The following EPHB2 variants were observed in gnomAD, a reference collection of about 807,000 sequenced individuals.
The protein encoded by EPHB2 is ephrin type-B receptor 2.
EPHB2 carries 18 observed loss-of-function variants against 96.4 expected under a neutral mutation model. The observed-to-expected ratio is 0.19, with a 90% CI of 0.13 to 0.28. EPHB2 has a LOEUF of 0.28. EPHB2 is among the 10% of genes least tolerant of loss of function. EPHB2 has a pLI of 1.00. For synonymous variants in EPHB2, 506 were observed against 534.1 expected (o/e 0.95, Z 0.72); for missense variants, 989 against 1,355.4 (o/e 0.73, Z 4.25).
intron 3 of EPHB2, among the ~76,000 whole-genome samples, chr1:22,812,540 G>C (rs1451918530): frequency 1.3e-5 from 2 of 152,216 alleles, no homozygotes; most frequent in Non-Finnish European, 2.9e-5. Context: ...GGCGGGGGCT[G>C]TGGAGAGCGA....
chr1:22,735,069 A>G (rs1643797039), intron 1 of EPHB2, among the ~76,000 whole-genome samples: 1 of 152,114 alleles, frequency 6.6e-6, no homozygotes. Context: ...AACCTGCTCT[A>G]CCGACTCCTG....
chr1:22,849,561 C>T (rs1173269196), intron 3 of EPHB2, among the ~76,000 whole-genome samples: 2 of 152,190 alleles, frequency 1.3e-5, no homozygotes, highest in South Asian at 2.1e-4. Flanking sequence ...TGGGATCCAG[C>T]GGACCAGGGG....
chr1:22,890,199 G>A (rs1391985953), intron 6 of EPHB2, among the ~76,000 whole-genome samples: 2 of 152,170 alleles, frequency 1.3e-5, no homozygotes, highest in Non-Finnish European at 2.9e-5. Flanking sequence ...TAGAGTTAAG[G>A]GGGCGAGAGG....
intron 5 of EPHB2, among the ~76,000 whole-genome samples, chr1:22,869,680 C>T (rs1026796835): frequency 7.9e-5 from 12 of 152,134 alleles, no homozygotes; most frequent in Non-Finnish European, 1.8e-4. Flanking sequence ...GTTCCCCTGA[C>T]GCAGAGTCTT....
chr1:22,782,188 G>A (rs1028750838), intron 2 of EPHB2, among the ~76,000 whole-genome samples: 5 of 152,248 alleles, frequency 3.3e-5, no homozygotes, highest in Middle Eastern at 3.4e-3. Flanking sequence ...ATCTCTCTGA[G>A]CTTCAGTTTC....
chr1:22,832,405 G>T (rs1645320257), intron 3 of EPHB2, among the ~76,000 whole-genome samples: 1 of 152,180 alleles, frequency 6.6e-6, no homozygotes, highest in African/African-American at 2.4e-5. Context: ...TCCCTTCTCA[G>T]CTTGCAAGCC....
chr1:22,788,991 G>A lies in EPHB2; in HGVS notation c.811+3915G>A, dbSNP rs111267748. On this transcript the variant is annotated intron_variant, in intron 3 of 15. Coordinates refer to ENST00000374630, the MANE Select transcript of EPHB2 (RefSeq NM_017449.5). ...GCTGGTCTCGAACTCCTGGACTCAAGTGATCCACCTGCCTTAGCCTCCCTA... is the reference window on the plus strand; with the variant it reads ...GCTGGTCTCGAACTCCTGGACTCAAATGATCCACCTGCCTTAGCCTCCCTA... Among the ~76,000 whole-genome samples, 42 of 152,238 alleles carry A rather than the reference G, an allele frequency of 2.8e-4. 1 individual carries two copies. Among genetic ancestry groups the A allele is most frequent in the African/African-American group, 9.6e-4 (40 of 41,546 alleles).
intron 3 of EPHB2, 59 bp from the exon 4 acceptor site, chr1:22,862,978 C>G (rs990305495): frequency 5.0e-6 from 8 of 1,611,538 alleles, no homozygotes; most frequent in Non-Finnish European, 5.1e-6. Context: ...CTGCGTGGCT[C>G]GTGACCTCTC....
intron 3 of EPHB2, among the ~76,000 whole-genome samples, chr1:22,859,300 G>A (rs573199349): frequency 3.3e-5 from 5 of 150,770 alleles, no homozygotes; most frequent in Non-Finnish European, 7.4e-5. Flanking sequence ...GGCCTGGTGG[G>A]GGGGGGGGTA....
intron 3 of EPHB2, among the ~76,000 whole-genome samples, chr1:22,835,051 G>C (rs1351130286): frequency 6.6e-6 from 1 of 152,176 alleles, no homozygotes; most frequent in Admixed American, 6.5e-5. Context: ...ATAAGAAAAG[G>C]AAAGCATTGT....
chr1:22,917,121 G>T lies in EPHB2; in HGVS notation c.*3551G>T, dbSNP rs1381639230. 1.3e-5 allele frequency: 2 copies of T among 152,314 alleles called. No homozygotes were observed. Among genetic ancestry groups the T allele is most frequent in the Admixed American group, 1.3e-4 (2 of 15,280 alleles). The allele number at this position is 152,314 out of a possible 1,614,324, so 9.4% of individuals were successfully genotyped here. A position where few individuals can be genotyped will look rare whatever the true frequency, so the allele number is the denominator to read the frequency against. Reference sequence around the variant, plus strand: ...ACTAACCAGCAGTGCCTCTTACTCAGATGGCATCAGCTGAACTTTCCCCAT... The same window carrying T: ...ACTAACCAGCAGTGCCTCTTACTCATATGGCATCAGCTGAACTTTCCCCAT... On this transcript the variant is annotated 3_prime_UTR_variant, in exon 16 of 16. Coordinates refer to ENST00000374630, the MANE Select transcript of EPHB2 (RefSeq NM_017449.5).
At chr1:22,854,058 C>T (rs1190039384) in intron 3 of EPHB2, among the ~76,000 whole-genome samples, 1 of 152,184 alleles carries the variant, frequency 6.6e-6, no homozygotes, top group Non-Finnish European at 1.5e-5. Context: ...TGGGTGGTCC[C>T]AGTGGGAGCT....
intron 3 of EPHB2, among the ~76,000 whole-genome samples, chr1:22,851,779 C>T (rs997111626): frequency 2.0e-5 from 3 of 152,248 alleles, no homozygotes; most frequent in African/African-American, 7.2e-5. Flanking sequence ...TGCACGCACA[C>T]CATGCTGTTT....
chr1:22,832,564 C>T (rs531522621), intron 3 of EPHB2, among the ~76,000 whole-genome samples: 1 of 152,184 alleles, frequency 6.6e-6, no homozygotes, highest in South Asian at 2.1e-4. Context: ...TGGAGTGGGC[C>T]ATCCCAGCCA....
intron 1 of EPHB2, among the ~76,000 whole-genome samples, chr1:22,761,656 T>C (rs1644237922): frequency 6.6e-6 from 1 of 152,150 alleles, no homozygotes; most frequent in Non-Finnish European, 1.5e-5. Context: ...GAGCTAACAA[T>C]TCTCCTTCCT....
At chr1:22,911,526 G>T (rs537133057) in intron 14 of EPHB2, among the ~76,000 whole-genome samples, 187 of 152,302 alleles carry the variant, frequency 1.2e-3, no homozygotes, top group Middle Eastern at 6.8e-3. Flanking sequence ...CCTGAGGGGT[G>T]TTCACTTGGG....
intron 3 of EPHB2, among the ~76,000 whole-genome samples, chr1:22,791,933 C>T (rs1644699631): frequency 6.6e-6 from 1 of 152,292 alleles, no homozygotes; most frequent in Non-Finnish European, 1.5e-5. Context: ...AATTACCCTC[C>T]AGAAAGGCTG....
intron 14 of EPHB2, 135 bp from the exon 15 acceptor site, chr1:22,912,309 C>A: frequency 7.9e-7 from 1 of 1,269,780 alleles, no homozygotes; most frequent in Admixed American, 1.8e-5. Context: ...TACTCACGTA[C>A]ATACCCCTTC....
intron 8 of EPHB2, among the ~76,000 whole-genome samples, chr1:22,895,911 T>G (rs1639543637): frequency 6.6e-6 from 1 of 152,224 alleles, no homozygotes; most frequent in African/African-American, 2.4e-5. Context: ...TGTCCTGCTT[T>G]CTGCATGAGT....
Sources: gnomAD v4.1 joint callset for allele counts (sites outside exome capture counted in the v4.1 genomes callset) on GRCh38, gnomAD v4.1.1 for gene constraint, MANE v1.5 for transcripts, NCBI Gene and HGNC (gene_info 2026-07-23, HGNC 2026-07-21) for gene names.